CAPN3: variants seen among roughly 807,000 people sequenced by gnomAD.
The protein encoded by CAPN3 is calpain-3.
CAPN3 carries 88 observed loss-of-function variants against 114.0 expected under a neutral mutation model. The observed-to-expected ratio is 0.77, with a 90% CI of 0.65 to 0.92. CAPN3 has a LOEUF of 0.92. Ranked by LOEUF, CAPN3 falls within the 40% of genes least tolerant of loss-of-function variation. The pLI, the probability that CAPN3 is intolerant of heterozygous loss-of-function variation, is 0.00. For synonymous variants in CAPN3, 386 were observed against 382.9 expected (o/e 1.01, Z -0.09); for missense variants, 1,028 against 1,069.0 (o/e 0.96, Z 0.53).
intron 1 of CAPN3, among the ~76,000 whole-genome samples, chr15:42,366,666 C>T (rs910722046): frequency 2.0e-5 from 3 of 151,462 alleles, no homozygotes; most frequent in East Asian, 3.9e-4. Context: ...TGATTGTTTT[C>T]GAGGAAGAAA....
Position 42,398,410 on chromosome 15 carries a change from C to G in CAPN3, c.1194-1082C>G, listed in dbSNP as rs571855773. Among the ~76,000 whole-genome samples the G allele has an allele frequency of 2.4e-3, 369 of 152,018 alleles. 2 individuals carry two copies. Among genetic ancestry groups the G allele is most frequent in the Non-Finnish European group, 4.4e-3 (302 of 67,970 alleles). On this transcript the variant is annotated intron_variant, in intron 9 of 23. Coordinates refer to ENST00000397163, the MANE Select transcript of CAPN3 (RefSeq NM_000070.3). ...GACTAGCCTGGTCAACATGGTGAAACCCCATCTCTACAAAAATACAAAAAT... is the reference window on the plus strand; with the variant it reads ...GACTAGCCTGGTCAACATGGTGAAAGCCCATCTCTACAAAAATACAAAAAT...
At chr15:42,384,605 A>C in intron 2 of CAPN3, 53 bp downstream of exon 2, 5 of 1,300,958 alleles carry the variant, frequency 3.8e-6, no homozygotes, top group Non-Finnish European at 5.6e-6. Context: ...GGTGATTACA[A>C]GGTGTGATCC....
chr15:42,404,188 C>A (rs566778313), intron 14 of CAPN3: 1 of 458,528 alleles, frequency 2.2e-6, no homozygotes, highest in Admixed American at 2.3e-5. Flanking sequence ...CACTTACCAG[C>A]GGGGTGACCT....
rs773319272 is a variant in CAPN3, at chr15:42,390,037, A to T, written c.886A>T (p.Asn296Tyr). The change falls in exon 6 of 24, where the codon AAC becomes TAC. Residue 296 changes from asparagine to tyrosine, a missense_variant. Coordinates refer to ENST00000397163, the MANE Select transcript of CAPN3 (RefSeq NM_000070.3). ...TGCACGGATGGTAAGGAATATGGAT[A>T]ACTCACTGCTCCAGGACTCAGACCT... ...LIARMVRNMD[N>Y]SLLQDSDLDP... 23 of 1,613,980 alleles carry T rather than the reference A, an allele frequency of 1.4e-5. No individual in the cohort carries two copies. The highest frequency in any genetic ancestry group is 1.9e-5 in the Non-Finnish European group (23 of 1,180,016).
chr15:42,403,699 T>C, intron 13 of CAPN3, 42 bp from the exon 14 acceptor site: 1 of 1,596,522 alleles, frequency 6.3e-7, no homozygotes, highest in Non-Finnish European at 8.6e-7. Flanking sequence ...TCCTGCTTGC[T>C]TCTGGTGACA....
At chr15:42,396,926 A>G (rs1016986038) in intron 9 of CAPN3, 49 bp downstream of exon 9, 14 of 1,386,718 alleles carry the variant, frequency 1.0e-5, no homozygotes, top group Non-Finnish European at 1.4e-5. Context: ...TGGGGAAGAG[A>G]GGGGAAATCT....
intron 21 of CAPN3, 30 bp downstream of exon 21, chr15:42,410,696 T>A (rs1476973776): frequency 6.3e-7 from 1 of 1,585,582 alleles, no homozygotes; most frequent in Non-Finnish European, 8.7e-7. Flanking sequence ...GGCAGGGATG[T>A]GGACCCGAGA....
At chr15:42,406,483 T>C (rs1402149341) in intron 15 of CAPN3, among the ~76,000 whole-genome samples, 3 of 152,184 alleles carry the variant, frequency 2.0e-5, no homozygotes, top group African/African-American at 7.2e-5. Flanking sequence ...TTCCAGGCAC[T>C]GTGCTTGGGG....
chr15:42,364,709 A>T (rs377652874), intron 1 of CAPN3, among the ~76,000 whole-genome samples: 44 of 152,320 alleles, frequency 2.9e-4, no homozygotes, highest in African/African-American at 1.1e-3. Context: ...CAAAAGAGGG[A>T]TCACACTTGG....
intron 11 of CAPN3, 55 bp from the exon 12 acceptor site, chr15:42,402,069 A>C (rs1367228843): frequency 5.9e-5 from 95 of 1,611,878 alleles, no homozygotes; most frequent in Non-Finnish European, 7.7e-5. Flanking sequence ...TGCCTTCCGC[A>C]GGCTCCTCAT....
intron 6 of CAPN3, among the ~76,000 whole-genome samples, chr15:42,391,776 G>A (rs927663049): frequency 6.6e-6 from 1 of 152,074 alleles, no homozygotes; most frequent in Non-Finnish European, 1.5e-5. Context: ...GATCTCCTCG[G>A]GCTTTCTTAG....
chr15:42,359,768 T>C lies in CAPN3; in HGVS notation c.-38T>C, dbSNP rs2052588480. ...TTTCCTTGAAGGTAGCTGTATCTTA[T>C]TTTCTTTAAAAAGCTTTTTCTTCCA... On this transcript the variant is annotated 5_prime_UTR_variant, in exon 1 of 24. Transcript: ENST00000397163. The C allele has an allele frequency of 1.2e-6, 2 of 1,612,206 alleles. No homozygotes were observed. The highest frequency in any genetic ancestry group is 1.7e-6 in the Non-Finnish European group (2 of 1,179,998).
chr15:42,399,671 G>T lies in CAPN3; in HGVS notation c.1354+19G>T, dbSNP rs765516680. 8.2e-6 allele frequency: 13 copies of T among 1,581,964 alleles called. No individual in the cohort carries two copies. Among genetic ancestry groups the T allele is most frequent in the Non-Finnish European group, 1.1e-5 (13 of 1,162,174 alleles). On this transcript the variant is annotated intron_variant, in intron 10 of 23. Transcript: ENST00000397163. ...TTCCCAGGTGGGAGATGCTCTTGAT[G>T]GGGGGAGGGTCTAAGCCGAAAAAGT...
Position 42,389,074 on chromosome 15 carries a change from C to G in CAPN3, c.779C>G (p.Ser260Cys). ...ATGAAGAAAGCCATCGAGAGAGGCT[C>G]CCTCATGGGCTGCTCCATTGATGTA... Reference protein sequence around the residue: ...KIMKKAIERGSLMGCSIDDGT... With the variant: ...KIMKKAIERGCLMGCSIDDGT... Residue 260 changes from serine to cysteine, a missense_variant, in exon 5 of 24, where the codon TCC becomes TGC. By Grantham distance (112) the Ser-to-Cys change is moderately radical. Coordinates refer to ENST00000397163, the MANE Select transcript of CAPN3 (RefSeq NM_000070.3). 6.2e-7 allele frequency: 1 copy of G among 1,614,022 alleles called. No individual in the cohort carries two copies. Among genetic ancestry groups the G allele is most frequent in the Non-Finnish European group, 8.5e-7 (1 of 1,180,010 alleles).
intron 1 of CAPN3, among the ~76,000 whole-genome samples, chr15:42,363,840 A>G (rs1476296363): frequency 6.6e-6 from 1 of 152,148 alleles, no homozygotes; most frequent in African/African-American, 2.4e-5. Context: ...AGAGGGATTA[A>G]ATAACTCGCG....
chr15:42,409,635 CT>C (rs1188895240), intron 17 of CAPN3, 151 bp from the exon 18 acceptor site: 4 of 870,664 alleles, frequency 4.6e-6, no homozygotes, highest in East Asian at 2.4e-5. Context: ...ATCTGGCCCC[CT>C]GTCTTCCTCA....
At chr15:42,407,626 G>A (rs2054061711) in intron 15 of CAPN3, among the ~76,000 whole-genome samples, 1 of 152,180 alleles carries the variant, frequency 6.6e-6, no homozygotes, top group African/African-American at 2.4e-5. Flanking sequence ...ACCGTGCCCG[G>A]CCAGAGAGGA....
chr15:42,369,978 T>C (rs1362587611), intron 1 of CAPN3, among the ~76,000 whole-genome samples: 1 of 151,852 alleles, frequency 6.6e-6, no homozygotes, highest in African/African-American at 2.4e-5. Flanking sequence ...GTTCAATTCA[T>C]TCTCCTGCCT....
At chr15:42,389,848 C>T in intron 5 of CAPN3, 105 bp from the exon 6 acceptor site, 1 of 1,207,902 alleles carries the variant, frequency 8.3e-7, no homozygotes, top group Non-Finnish European at 1.2e-6. Flanking sequence ...TCCTCTCTCC[C>T]TTTGTCTGTC....
Sources: allele counts gnomAD v4.1 joint callset (sites outside exome capture counted in the v4.1 genomes callset), GRCh38; gene constraint gnomAD v4.1.1; transcripts MANE v1.5; gene names NCBI Gene and HGNC (gene_info 2026-07-23, HGNC 2026-07-21).